The following NRCAM variants were observed in gnomAD, a reference collection of about 807,000 sequenced individuals.
NRCAM encodes the protein NgCAM-related cell adhesion molecule.
Under a neutral mutation model 156.5 loss-of-function variants are expected in NRCAM, and 83 were observed. That is an observed-to-expected ratio of 0.53 (90% CI 0.44 to 0.64). NRCAM has a LOEUF of 0.64. NRCAM is among the 30% of genes least tolerant of loss of function. The pLI is 0.00. For missense variants in NRCAM, 1,417 were observed against 1,597.3 expected, an observed-to-expected ratio of 0.89 and a Z score of 1.92; for synonymous variants, 538 against 563.9, an observed-to-expected ratio of 0.95 and a Z score of 0.65.
At chr7:108,382,750 G>C (rs997154178) in intron 2 of NRCAM, among the ~76,000 whole-genome samples, 1 of 152,270 alleles carries the variant, frequency 6.6e-6, no homozygotes, top group East Asian at 1.9e-4. Flanking sequence ...AGCAGCCCAA[G>C]TTTAGTATCA....
intron 3 of NRCAM, among the ~76,000 whole-genome samples, chr7:108,252,274 CTTGCCTGCCAAAGTT>C (rs1411627689): frequency 6.6e-6 from 1 of 152,208 alleles, no homozygotes; most frequent in African/African-American, 2.4e-5. Context: ...TGGGTGGTTT[CTTGCCTGCCAAAGTT>C]GAACGCACCT....
intron 2 of NRCAM, among the ~76,000 whole-genome samples, chr7:108,369,338 AATAGT>A (rs2099613946): frequency 6.6e-6 from 1 of 152,148 alleles, no homozygotes; most frequent in African/African-American, 2.4e-5. Flanking sequence ...CATTTATCAG[AATAGT>A]ATATAGAATA....
intron 4 of NRCAM, among the ~76,000 whole-genome samples, 185 bp from the exon 5 acceptor site, chr7:108,237,954 C>T (rs1035307447): frequency 1.4e-4 from 21 of 152,178 alleles, no homozygotes; most frequent in Non-Finnish European, 1.9e-4. Flanking sequence ...TTTGCATTAA[C>T]GGTTTCCTTT....
intron 2 of NRCAM, among the ~76,000 whole-genome samples, chr7:108,362,433 T>G (rs866866697): frequency 6.6e-6 from 1 of 152,180 alleles, no homozygotes; most frequent in African/African-American, 2.4e-5. Flanking sequence ...GGTAACCAAA[T>G]TGCTGTATAT....
At chr7:108,214,774 T>A (rs1423112826) in intron 11 of NRCAM, among the ~76,000 whole-genome samples, 1 of 152,240 alleles carries the variant, frequency 6.6e-6, no homozygotes, top group African/African-American at 2.4e-5. Context: ...GCTTTAGCTG[T>A]ACATTGTGAT....
intron 4 of NRCAM, 63 bp downstream of exon 4, chr7:108,239,896 T>A (rs1463318906): frequency 1.0e-6 from 1 of 985,532 alleles, no homozygotes; most frequent in Non-Finnish European, 1.6e-6. Flanking sequence ...CAGTTCAGAG[T>A]GATGATAAAT....
At chr7:108,265,671 T>C (rs1277644221) in intron 3 of NRCAM, among the ~76,000 whole-genome samples, 1 of 152,226 alleles carries the variant, frequency 6.6e-6, no homozygotes, top group Non-Finnish European at 1.5e-5. Context: ...TTTGCAAACA[T>C]TAGCTTACTT....
intron 2 of NRCAM, among the ~76,000 whole-genome samples, chr7:108,324,905 T>C (rs1593417351): frequency 1.5e-5 from 1 of 68,580 alleles, no homozygotes; most frequent in Admixed American, 1.7e-4. Flanking sequence ...TTTTTTTTTT[T>C]AGCTTTAGCT....
At chr7:108,298,253 T>A (rs1421976856) in intron 3 of NRCAM, among the ~76,000 whole-genome samples, 1 of 152,026 alleles carries the variant, frequency 6.6e-6, no homozygotes, top group East Asian at 1.9e-4. Context: ...ATTATTATAA[T>A]CTAAGCAGGT....
chr7:108,239,546 C>T (rs190867633), intron 4 of NRCAM, among the ~76,000 whole-genome samples: 3 of 152,162 alleles, frequency 2.0e-5, no homozygotes, highest in East Asian at 1.9e-4. Flanking sequence ...CAGCATATGA[C>T]GGGAAAGAGT....
At chr7:108,337,081 T>C (rs934671439) in intron 2 of NRCAM, among the ~76,000 whole-genome samples, 2 of 152,040 alleles carry the variant, frequency 1.3e-5, no homozygotes, top group Non-Finnish European at 2.9e-5. Context: ...CTGGCCAACA[T>C]GGTGAAACCC....
rs532186733 is a variant in NRCAM, at chr7:108,446,080, C to T, written c.-332+10163G>A. The stretch of plus-strand genomic sequence containing the variant: ...TCCGGAGGAAAATGACAAGCACCAG[C>T]TTCAGACAGTGAAGGGAAAGGAAAG... On this transcript the variant is annotated intron_variant, in intron 1 of 32. Transcript: ENST00000379028. Among the ~76,000 whole-genome samples, 159 of 152,264 alleles carry T rather than the reference C, an allele frequency of 1.0e-3. 1 individual carries two copies. The highest frequency in any genetic ancestry group is 1.9e-3 in the Non-Finnish European group (131 of 68,022).
At chr7:108,390,203 G>C (rs2099755198) in intron 2 of NRCAM, among the ~76,000 whole-genome samples, 1 of 152,026 alleles carries the variant, frequency 6.6e-6, no homozygotes, top group Admixed American at 6.6e-5. Flanking sequence ...TTGGTTGGTA[G>C]GCTATTAATT....
At position 108,184,598 on chromosome 7, in the gene NRCAM, A is replaced by G. The variant is rs2065540315; in HGVS notation, c.2052T>C (p.Tyr684=). The G allele has an allele frequency of 6.2e-7, 1 of 1,612,650 alleles. No homozygotes were observed. Among genetic ancestry groups the G allele is most frequent in the African/African-American group, 1.3e-5 (1 of 74,880 alleles). Residue 684 remains tyrosine, a synonymous_variant, in exon 21 of 33, where the codon TAT becomes TAC. Coordinates refer to ENST00000379028, the MANE Select transcript of NRCAM (RefSeq NM_001037132.4). ...GCCCTGGCTTGTGCATTGCATCTTCATATTCGATGATGAATTCTGGTCACG... is the reference window on the plus strand; with the variant it reads ...GCCCTGGCTTGTGCATTGCATCTTCGTATTCGATGATGAATTCTGGTCACG... ...NSPITKFIIE[Y]EDAMHKPGLW...
chr7:108,150,893 T>C (rs1014353912), intron 32 of NRCAM: 38 of 377,588 alleles, frequency 1.0e-4, no homozygotes, highest in Non-Finnish European at 4.2e-5. Context: ...ATTTGTACTA[T>C]GAATGGCATG....
chr7:108,246,823 T>C (rs913821982), intron 3 of NRCAM, among the ~76,000 whole-genome samples: 1 of 152,336 alleles, frequency 6.6e-6, no homozygotes, highest in East Asian at 1.9e-4. Context: ...GACTGTTGCA[T>C]TGGTGGCCCC....
At chr7:108,336,683 C>T (rs1467849880) in intron 2 of NRCAM, among the ~76,000 whole-genome samples, 3 of 152,148 alleles carry the variant, frequency 2.0e-5, no homozygotes, top group African/African-American at 4.8e-5. Flanking sequence ...TAAGCTCTCT[C>T]TTCATCCTCA....
At chr7:108,296,931 G>C (rs2098464509) in intron 3 of NRCAM, among the ~76,000 whole-genome samples, 1 of 152,104 alleles carries the variant, frequency 6.6e-6, no homozygotes, top group Non-Finnish European at 1.5e-5. Flanking sequence ...TTTACATCCT[G>C]AGCAATGCAT....
chr7:108,333,602 T>C (rs1276970839), intron 2 of NRCAM, among the ~76,000 whole-genome samples: 1 of 152,224 alleles, frequency 6.6e-6, no homozygotes, highest in East Asian at 1.9e-4. Context: ...GTTACAATGA[T>C]GTTTTGGGGA....
Sources: allele counts gnomAD v4.1 joint callset (sites outside exome capture counted in the v4.1 genomes callset), GRCh38; gene constraint gnomAD v4.1.1; transcripts MANE v1.5; gene names NCBI Gene and HGNC (gene_info 2026-07-23, HGNC 2026-07-21).